The following ZNF280C variants were observed in gnomAD, a reference collection of about 807,000 sequenced individuals.
The protein encoded by ZNF280C is zinc finger protein 280C.
Under a neutral mutation model 53.6 loss-of-function variants are expected in ZNF280C, and 14 were observed. The ratio of observed to expected loss-of-function variants is 0.26; its 90% CI spans 0.17 to 0.41. The LOEUF is 0.41. Ranked by LOEUF, ZNF280C falls within the 10% of genes least tolerant of loss-of-function variation. ZNF280C has a pLI of 1.00. For synonymous variants in ZNF280C, 203 were observed against 181.1 expected (o/e 1.12, Z -0.97); for missense variants, 416 against 547.1 (o/e 0.76, Z 2.39).
chrX:130,218,575 AAT>A (rs1283671888), intron 13 of ZNF280C, among the ~76,000 whole-genome samples: 1 of 112,457 alleles, frequency 8.9e-6, no homozygotes, highest in Non-Finnish European at 1.9e-5. Flanking sequence ...AGTCCTATGA[AAT>A]ATATGTGGTA....
At chrX:130,257,245 T>C (rs910775966) in intron 2 of ZNF280C, among the ~76,000 whole-genome samples, 9 of 104,743 alleles carry the variant, frequency 8.6e-5, no homozygotes, top group African/African-American at 2.1e-4. Context: ...TGAGTGGCTA[T>C]AGGTTTTAAT....
intron 2 of ZNF280C, among the ~76,000 whole-genome samples, chrX:130,250,793 A>G (rs2124712752): frequency 8.9e-6 from 1 of 112,253 alleles, no homozygotes; most frequent in East Asian, 2.8e-4. Context: ...TGGAAGAGAC[A>G]CAACAAAAAA....
chrX:130,218,326 CA>C (rs1263882200), intron 13 of ZNF280C, among the ~76,000 whole-genome samples: 11 of 111,658 alleles, frequency 9.9e-5, no homozygotes, highest in African/African-American at 3.3e-4. Flanking sequence ...CCTGGGGGAT[CA>C]GGGGGCATGA....
At chrX:130,256,496 A>G (rs2124715447) in intron 2 of ZNF280C, among the ~76,000 whole-genome samples, 1 of 111,433 alleles carries the variant, frequency 9.0e-6, no homozygotes, top group South Asian at 3.8e-4. Flanking sequence ...AGGCAGAGGC[A>G]TGAGAATCGC....
At chrX:130,217,066 G>GT (rs2032112701) in intron 13 of ZNF280C, among the ~76,000 whole-genome samples, 1 of 111,746 alleles carries the variant, frequency 8.9e-6, no homozygotes, top group Non-Finnish European at 1.9e-5. Flanking sequence ...AATATTAAAG[G>GT]TAAGAGTTAC....
At chrX:130,247,434 C>T (rs747062245) in intron 2 of ZNF280C, among the ~76,000 whole-genome samples, 1 of 112,030 alleles carries the variant, frequency 8.9e-6, no homozygotes, top group South Asian at 3.7e-4. Flanking sequence ...GTGCCTCAGC[C>T]TCCTGAGTAG....
At chrX:130,251,935 G>A (rs1352699499) in intron 2 of ZNF280C, among the ~76,000 whole-genome samples, 1 of 111,323 alleles carries the variant, frequency 9.0e-6, no homozygotes, top group Non-Finnish European at 1.9e-5. Context: ...CCAACATGGC[G>A]AAACCCCGTC....
At chrX:130,255,376 G>A (rs1183712410) in intron 2 of ZNF280C, among the ~76,000 whole-genome samples, 4 of 104,794 alleles carry the variant, frequency 3.8e-5, no homozygotes, top group Admixed American at 1.0e-4. Context: ...TCCTGACCTC[G>A]TGATCCGCCC....
chrX:130,265,676 T>C (rs989154825), intron 1 of ZNF280C, among the ~76,000 whole-genome samples: 1 of 112,393 alleles, frequency 8.9e-6, no homozygotes, highest in African/African-American at 3.2e-5. Context: ...CTGCCAAATC[T>C]GTAAGTATAA....
chrX:130,244,448 C>T lies in ZNF280C; in HGVS notation c.179-583G>A, dbSNP rs760585609. Among the ~76,000 whole-genome samples the T allele has an allele frequency of 3.1e-4, 35 of 111,264 alleles. No individual in the cohort carries two copies. In the East Asian group the frequency reaches 9.9e-3, roughly 32 times the overall value. On this transcript the variant is annotated intron_variant, in intron 3 of 18. Transcript: ENST00000370978. ...AAAGCATTAACAAATCCCATAAAAC[C>T]TCAAACATTTTCCTTTTTTCTCTCC...
At chrX:130,225,582 T>C (rs1203200858) in intron 12 of ZNF280C, among the ~76,000 whole-genome samples, 1 of 109,900 alleles carries the variant, frequency 9.1e-6, no homozygotes, top group Non-Finnish European at 1.9e-5. Flanking sequence ...GGGGAACACT[T>C]ATTAACATCT....
intron 16 of ZNF280C, 58 bp from the exon 17 acceptor site, chrX:130,205,473 A>C (rs2031962913): frequency 2.4e-6 from 2 of 820,582 alleles, no homozygotes; most frequent in Non-Finnish European, 3.5e-6. Flanking sequence ...AATCCATATG[A>C]GCTCAATAAT....
chrX:130,254,974 T>A (rs1345284784), intron 2 of ZNF280C, among the ~76,000 whole-genome samples: 1 of 104,627 alleles, frequency 9.6e-6, no homozygotes, highest in Non-Finnish European at 1.9e-5. Context: ...ATAATAAACA[T>A]CTTTAGACAG....
chrX:130,215,180 A>T lies in ZNF280C; in HGVS notation c.1979+13T>A, dbSNP rs371755608. 2.5e-6 allele frequency: 3 copies of T among 1,203,164 alleles called. No homozygotes were observed. The African/African-American group carries it at 5.3e-5, about 21-fold the overall frequency. On this transcript the variant is annotated intron_variant, in intron 15 of 18. Transcript: ENST00000370978. ...ATGGAAATTCTGATTGGCAGTTTAC[A>T]TGTTTAACTTACCTCATCATATGAT...
chrX:130,266,464 T>C (rs770253357), intron 1 of ZNF280C, among the ~76,000 whole-genome samples: 1 of 112,125 alleles, frequency 8.9e-6, no homozygotes, highest in South Asian at 3.7e-4. Context: ...TAATAATGTA[T>C]TGTATATTTC....
chrX:130,211,875 TATTTTCCA>T (rs1345966426), intron 15 of ZNF280C, among the ~76,000 whole-genome samples: 1 of 111,869 alleles, frequency 8.9e-6, no homozygotes, highest in African/African-American at 3.2e-5. Flanking sequence ...ATGCCAAAAA[TATTTTCCA>T]ATTTAATCCT....
At chrX:130,223,595 T>C (rs941939114) in intron 12 of ZNF280C, among the ~76,000 whole-genome samples, 1 of 111,935 alleles carries the variant, frequency 8.9e-6, no homozygotes, top group Admixed American at 9.5e-5. Flanking sequence ...AACAAGATAA[T>C]GCATGTAAAA....
chrX:130,247,709 G>GA (rs1179148654), intron 2 of ZNF280C, among the ~76,000 whole-genome samples: 11 of 108,981 alleles, frequency 1.0e-4, no homozygotes, highest in Admixed American at 9.8e-5. Context: ...GCTATTATCT[G>GA]AAAAAAAAAT....
At position 130,236,674 on chromosome X, in the gene ZNF280C, A is replaced by G. The variant is rs778082425; in HGVS notation, c.494-35T>C. 5 of 1,030,426 alleles carry G rather than the reference A, an allele frequency of 4.9e-6. No homozygotes were observed. In the African/African-American group the frequency reaches 9.5e-5, roughly 20 times the overall value. 84.9% of individuals were successfully genotyped at this position (1,030,426 alleles called of 1,213,427 possible). A position where few individuals can be genotyped will look rare whatever the true frequency, so the allele number is the denominator to read the frequency against. ...TTTAAATAGTGAGAAAGATATTTGT[A>G]AATATTTCAGTATGGAATATTGCTT... is the stretch of plus-strand genomic sequence containing the variant. On this transcript the variant is annotated intron_variant, in intron 6 of 18. Transcript: ENST00000370978.
Sources: gnomAD v4.1 joint callset for allele counts (sites outside exome capture counted in the v4.1 genomes callset) on GRCh38, gnomAD v4.1.1 for gene constraint, MANE v1.5 for transcripts, NCBI Gene and HGNC (gene_info 2026-07-23, HGNC 2026-07-21) for gene names.